CYTH3: variants seen among roughly 807,000 people sequenced by gnomAD.
CYTH3 encodes the protein cytohesin 3, also known as cytohesin-3.
A neutral mutation model predicts 55.1 loss-of-function variants in CYTH3; 23 were observed. That is an observed-to-expected ratio of 0.42 (90% CI 0.30 to 0.59). CYTH3 has a LOEUF of 0.59. CYTH3 is among the 20% of genes least tolerant of loss of function. The pLI is 0.20. For missense variants in CYTH3, 413 were observed against 524.8 expected (o/e 0.79, Z 2.08); for synonymous variants, 249 against 194.9 (o/e 1.28, Z -2.31).
At chr7:6,253,298 AC>A (rs1304765228) in intron 1 of CYTH3, among the ~76,000 whole-genome samples, 2 of 151,476 alleles carry the variant, frequency 1.3e-5, no homozygotes, top group African/African-American at 4.9e-5. Context: ...GCTCACTGCA[AC>A]CTCTGCCTCC....
intron 1 of CYTH3, among the ~76,000 whole-genome samples, chr7:6,250,749 G>C (rs1779941336): frequency 6.6e-6 from 1 of 152,190 alleles, no homozygotes; most frequent in East Asian, 1.9e-4. Context: ...AAATTAGATA[G>C]TGCTGATGGT....
At chr7:6,237,848 T>C (rs2128554842) in intron 1 of CYTH3, among the ~76,000 whole-genome samples, 1 of 152,348 alleles carries the variant, frequency 6.6e-6, no homozygotes, top group South Asian at 2.1e-4. Flanking sequence ...ACTCTCTTCC[T>C]GTAAGTCTCA....
intron 1 of CYTH3, among the ~76,000 whole-genome samples, chr7:6,213,242 A>G (rs1784360103): frequency 6.6e-6 from 1 of 152,220 alleles, no homozygotes; most frequent in Admixed American, 6.5e-5. Flanking sequence ...TGCTCCAGAG[A>G]TGAGATGTAT....
chr7:6,187,031 AGG>A lies in CYTH3; in HGVS notation c.249+17_249+18del. On this transcript the variant is annotated intron_variant, in intron 4 of 12. Coordinates refer to ENST00000350796, the MANE Select transcript of CYTH3 (RefSeq NM_004227.4). ...TAGTCCATCTCCTGCAGGCCAGAAAAGGGAGAGCATTCTCTTACCTTTTTGGG... is the reference window on the plus strand; with the variant it reads ...TAGTCCATCTCCTGCAGGCCAGAAAAGAGAGCATTCTCTTACCTTTTTGGG... 1 of 1,611,956 alleles carries A rather than the reference AGG, an allele frequency of 6.2e-7. No homozygotes were observed. Among genetic ancestry groups the A allele is most frequent in the Non-Finnish European group, 8.5e-7 (1 of 1,177,972 alleles).
intron 1 of CYTH3, among the ~76,000 whole-genome samples, chr7:6,190,737 C>T (rs919986176): frequency 7.2e-5 from 11 of 152,130 alleles, no homozygotes; most frequent in South Asian, 4.2e-4. Context: ...AGTAAGAACA[C>T]GAATAAATTG....
Position 6,164,639 on chromosome 7 carries a change from G to A in CYTH3, c.*305C>T, listed in dbSNP as rs1041193076. 16 of 420,888 alleles carry A rather than the reference G, an allele frequency of 3.8e-5. No homozygotes were observed. Among genetic ancestry groups the A allele is most frequent in the African/African-American group, 6.0e-5 (3 of 49,602 alleles). The allele number at this position is 420,888 out of a possible 1,614,324, so 26.1% of individuals were successfully genotyped here. A position where few individuals can be genotyped will look rare whatever the true frequency, so the allele number is the denominator to read the frequency against. On this transcript the variant is annotated 3_prime_UTR_variant, in exon 13 of 13. Transcript: ENST00000350796. ...TCCCCCTAGGGGCGCCGGGATGGTC[G>A]CAGGAAGGAAATGCTTCTGGACATG...
intron 1 of CYTH3, among the ~76,000 whole-genome samples, chr7:6,217,400 A>G (rs926503799): frequency 3.3e-5 from 5 of 152,220 alleles, no homozygotes; most frequent in Admixed American, 6.5e-5. Flanking sequence ...TCATGCAAAC[A>G]TTAATAAAAA....
intron 5 of CYTH3, among the ~76,000 whole-genome samples, chr7:6,174,748 C>T (rs550968320): frequency 3.6e-4 from 55 of 151,834 alleles, no homozygotes; most frequent in African/African-American, 1.1e-3. Context: ...GGGGTTTCAC[C>T]GTGTTAGCCA....
At chr7:6,207,668 G>T (rs1360213159) in intron 1 of CYTH3, among the ~76,000 whole-genome samples, 2 of 151,004 alleles carry the variant, frequency 1.3e-5, no homozygotes, top group African/African-American at 2.4e-5. Flanking sequence ...AACAAAAAAA[G>T]GCTGGGCGCA....
At chr7:6,268,524 G>C (rs1252950868) in intron 1 of CYTH3, among the ~76,000 whole-genome samples, 1 of 152,182 alleles carries the variant, frequency 6.6e-6, no homozygotes, top group East Asian at 1.9e-4. Flanking sequence ...TAAGAAAAGA[G>C]CTTCCTCGTT....
At chr7:6,214,410 A>C (rs1263831220) in intron 1 of CYTH3, among the ~76,000 whole-genome samples, 1 of 152,212 alleles carries the variant, frequency 6.6e-6, no homozygotes, top group Non-Finnish European at 1.5e-5. Context: ...ATTTTCCCTT[A>C]ATTTTGTGTA....
At chr7:6,251,371 A>G (rs1583197568) in intron 1 of CYTH3, among the ~76,000 whole-genome samples, 1 of 149,792 alleles carries the variant, frequency 6.7e-6, no homozygotes, top group African/African-American at 2.5e-5. Flanking sequence ...GAGGCAGGAG[A>G]GAAGGAGGGG....
At chr7:6,255,674 T>G (rs1203097824) in intron 1 of CYTH3, among the ~76,000 whole-genome samples, 4 of 151,576 alleles carry the variant, frequency 2.6e-5, no homozygotes, top group Non-Finnish European at 4.4e-5. Context: ...ACTTCAAGTC[T>G]CTTATGAAAT....
At chr7:6,223,995 A>G (rs2128552207) in intron 1 of CYTH3, among the ~76,000 whole-genome samples, 1 of 152,282 alleles carries the variant, frequency 6.6e-6, no homozygotes, top group East Asian at 1.9e-4. Flanking sequence ...TTCCACATAT[A>G]TAATCCTTAC....
chr7:6,264,480 CGCCTGCCTGTAAT>C (rs932259750), intron 1 of CYTH3, among the ~76,000 whole-genome samples: 3 of 151,964 alleles, frequency 2.0e-5, no homozygotes, highest in Non-Finnish European at 4.4e-5. Flanking sequence ...GGTGTGGTGG[CGCCTGCCTGTAAT>C]CCCAGCTACT....
At chr7:6,192,991 T>C (rs1445619937) in intron 1 of CYTH3, among the ~76,000 whole-genome samples, 2 of 150,846 alleles carry the variant, frequency 1.3e-5, no homozygotes, top group African/African-American at 2.4e-5. Flanking sequence ...GCCAACATAG[T>C]GAAACCCCGT....
intron 1 of CYTH3, among the ~76,000 whole-genome samples, chr7:6,254,185 AAAAC>A (rs1449783471): frequency 1.3e-5 from 2 of 152,136 alleles, no homozygotes; most frequent in Non-Finnish European, 2.9e-5. Context: ...CTCCACCTCA[AAAAC>A]AAACAAACAA....
intron 6 of CYTH3, 58 bp downstream of exon 6, chr7:6,173,595 G>C: frequency 9.1e-7 from 1 of 1,100,778 alleles, no homozygotes; most frequent in Non-Finnish European, 1.4e-6. Context: ...CTGCTGCCCA[G>C]GCAGTGGTCC....
chr7:6,173,151 A>G (rs1462930835), intron 6 of CYTH3: 2 of 798,408 alleles, frequency 2.5e-6, no homozygotes, highest in Non-Finnish European at 3.1e-6. Context: ...AAGCGAGACA[A>G]CTTCCTGCTT....
Sources: gnomAD v4.1 joint callset for allele counts (sites outside exome capture counted in the v4.1 genomes callset) on GRCh38, gnomAD v4.1.1 for gene constraint, MANE v1.5 for transcripts, NCBI Gene and HGNC (gene_info 2026-07-23, HGNC 2026-07-21) for gene names.